The following GCNT1 variants were observed in gnomAD, a reference collection of about 807,000 sequenced individuals.
GCNT1 encodes beta-1,3-galactosyl-O-glycosyl-glycoprotein beta-1,6-N-acetylglucosaminyltransferase.
GCNT1 carries 16 observed loss-of-function variants against 26.2 expected under a neutral mutation model. That is an observed-to-expected ratio of 0.61 (90% CI 0.41 to 0.93). GCNT1 has a LOEUF of 0.93. GCNT1 is among the 40% of genes least tolerant of loss of function. The pLI is 0.00. For synonymous variants in GCNT1, 183 were observed against 190.8 expected, an observed-to-expected ratio of 0.96 and a Z score of 0.34; for missense variants, 477 against 526.7, an observed-to-expected ratio of 0.91 and a Z score of 0.92.
intron 1 of GCNT1, among the ~76,000 whole-genome samples, chr9:76,428,009 AAC>A (rs945458924): frequency 6.6e-6 from 1 of 152,016 alleles, no homozygotes; most frequent in Non-Finnish European, 1.5e-5. Context: ...ACAAACAAAA[AAC>A]ACATGAAAAA....
chr9:76,479,913 A>C (rs1824374052), intron 2 of GCNT1, among the ~76,000 whole-genome samples: 2 of 152,110 alleles, frequency 1.3e-5, no homozygotes, highest in African/African-American at 4.8e-5. Context: ...GGTGTTTTAG[A>C]CATGAAGTCC....
At chr9:76,436,136 G>A (rs182045772) in intron 1 of GCNT1, among the ~76,000 whole-genome samples, 1 of 151,616 alleles carries the variant, frequency 6.6e-6, no homozygotes, top group South Asian at 2.1e-4. Flanking sequence ...GTTTTTAGTA[G>A]ATATGGGGTT....
chr9:76,474,168 A>G (rs1265812992), intron 2 of GCNT1, among the ~76,000 whole-genome samples: 3 of 152,226 alleles, frequency 2.0e-5, no homozygotes, highest in Non-Finnish European at 2.9e-5. Flanking sequence ...AACCTTGATG[A>G]TGTACCATTT....
chr9:76,398,885 A>G, the GCNT1 span: 2 of 1,532,032 alleles, frequency 1.3e-6, no homozygotes, highest in Non-Finnish European at 1.8e-6. Flanking sequence ...GCTGGCAGCT[A>G]GTGCTATTGT....
chr9:76,449,716 C>T (rs1029034800), intron 1 of GCNT1, among the ~76,000 whole-genome samples: 1 of 152,214 alleles, frequency 6.6e-6, no homozygotes, highest in Non-Finnish European at 1.5e-5. Context: ...CTAAGCACCT[C>T]TTTGGGATTT....
At chr9:76,458,252 G>A (rs543184469), upstream of GCNT1, among the ~76,000 whole-genome samples, 3 of 132,700 alleles carry the variant, frequency 2.3e-5, no homozygotes, top group East Asian at 2.1e-4. Flanking sequence ...ACACGATCTC[G>A]GCTCACTGCA....
Position 76,505,240 on chromosome 9 carries a change from A to G in GCNT1, c.*1572A>G. ...TAAGGCATTCAACTGAGAAAACTTTATTTGTCAAAGTCAGAAAACATTTTC... is the reference window on the plus strand; with the variant it reads ...TAAGGCATTCAACTGAGAAAACTTTGTTTGTCAAAGTCAGAAAACATTTTC... On this transcript the variant is annotated 3_prime_UTR_variant, in exon 4 of 4. Transcript: ENST00000376730. 2 of 297,830 alleles carry G rather than the reference A, an allele frequency of 6.7e-6. No homozygotes were observed. 18.4% of individuals were successfully genotyped at this position (297,830 alleles called of 1,614,324 possible). A position where few individuals can be genotyped will look rare whatever the true frequency, so the allele number is the denominator to read the frequency against.
rs561153484 is a variant in GCNT1 at position 76,491,332 on chromosome 9, C to T, written c.-289-9584C>T. Among the ~76,000 whole-genome samples, 83 of 152,274 alleles carry T rather than the reference C, an allele frequency of 5.5e-4. 2 individuals carry two copies. In the South Asian group the frequency reaches 0.011, roughly 19 times the overall value. ...CTCTCCTTCCCCTTTTTGATGGCTT[C>T]GGCAGTGTAAGACTGCCACCTCTTT... On this transcript the variant is annotated intron_variant, in intron 2 of 3. Coordinates refer to ENST00000376730, the MANE Select transcript of GCNT1 (RefSeq NM_001490.5).
At chr9:76,416,579 TC>T (rs1823135442), upstream of GCNT1, among the ~76,000 whole-genome samples, 1 of 152,138 alleles carries the variant, frequency 6.6e-6, no homozygotes, top group Non-Finnish European at 1.5e-5. Flanking sequence ...ACGCTCCCCC[TC>T]CTGCAAGGGG....
At chr9:76,407,648 C>T in the GCNT1 span, among the ~76,000 whole-genome samples, 73 of 152,142 alleles carry the variant, frequency 4.8e-4, no homozygotes, top group Admixed American at 1.2e-3. Flanking sequence ...GTCAATATCA[C>T]AAAATAACTT....
intron 1 of GCNT1, chr9:76,420,302 C>T (rs10869772): frequency 0.78 from 118,010 of 152,114 alleles, 46,492 homozygotes; most frequent in Middle Eastern, 0.87. Context: ...AGAGACAAGG[C>T]TTTGCTCTGT....
chr9:76,397,293 CATAA>C, the GCNT1 span, among the ~76,000 whole-genome samples: 1 of 145,756 alleles, frequency 6.9e-6, no homozygotes, highest in East Asian at 2.0e-4. Flanking sequence ...ATAAATAATA[CATAA>C]ATAAATAGAT....
the GCNT1 span, among the ~76,000 whole-genome samples, chr9:76,396,355 C>G: frequency 6.6e-6 from 1 of 151,638 alleles, no homozygotes. Flanking sequence ...TCTGGGAGAC[C>G]GAGGTGAGCG....
the GCNT1 span, chr9:76,394,260 CG>C: frequency 7.3e-7 from 1 of 1,369,792 alleles, no homozygotes. Context: ...CCGGACCAGC[CG>C]GGGGACAGGA....
intron 3 of GCNT1, 172 bp from the exon 4 acceptor site, chr9:76,502,067 C>T (rs1825084443): frequency 6.5e-6 from 1 of 154,538 alleles, no homozygotes; most frequent in Non-Finnish European, 1.4e-5. Flanking sequence ...ACAATTTATC[C>T]TCTGATTCAG....
At chr9:76,418,164 T>C (rs1334322972), upstream of GCNT1, among the ~76,000 whole-genome samples, 1 of 152,008 alleles carries the variant, frequency 6.6e-6, no homozygotes, top group African/African-American at 2.4e-5. Flanking sequence ...GGGTTCCAGG[T>C]TATAGGTACA....
At chr9:76,413,521 T>A in the GCNT1 span, among the ~76,000 whole-genome samples, 1 of 152,196 alleles carries the variant, frequency 6.6e-6, no homozygotes, top group African/African-American at 2.4e-5. Flanking sequence ...TGAAGAGAAG[T>A]TGGTTGTAAA....
intron 2 of GCNT1, among the ~76,000 whole-genome samples, chr9:76,480,826 A>G (rs1208254651): frequency 6.6e-6 from 1 of 152,170 alleles, no homozygotes; most frequent in African/African-American, 2.4e-5. Context: ...CTGTATGTAA[A>G]CTACACAGAT....
intron 2 of GCNT1, among the ~76,000 whole-genome samples, chr9:76,472,196 G>C (rs927518781): frequency 6.6e-6 from 1 of 152,210 alleles, no homozygotes; most frequent in Admixed American, 6.5e-5. Context: ...AGAATCACTT[G>C]AACCCGAACC....
Sources: allele counts gnomAD v4.1 joint callset (sites outside exome capture counted in the v4.1 genomes callset), GRCh38; gene constraint gnomAD v4.1.1; transcripts MANE v1.5; gene names NCBI Gene and HGNC (gene_info 2026-07-23, HGNC 2026-07-21).